PTPRG: variants seen among roughly 807,000 people sequenced by gnomAD.
PTPRG encodes the protein protein tyrosine phosphatase receptor type G.
Under a neutral mutation model 165.3 loss-of-function variants are expected in PTPRG, and 102 were observed. That is an observed-to-expected ratio of 0.62 (90% confidence interval 0.53 to 0.73). PTPRG has a LOEUF of 0.73. Among genes scored for constraint, PTPRG ranks in the 30% least tolerant of loss-of-function variants. The pLI is 0.00. For missense variants in PTPRG, 1,866 were observed against 1,861.4 expected, an observed-to-expected ratio of 1.00 and a Z score of -0.05; for synonymous variants, 675 against 669.5, an observed-to-expected ratio of 1.01 and a Z score of -0.13.
intron 2 of PTPRG, among the ~76,000 whole-genome samples, chr3:61,986,245 A>G (rs1216160949): frequency 2.0e-5 from 3 of 151,328 alleles, no homozygotes; most frequent in African/African-American, 7.4e-5. Context: ...TTAAGGGCTT[A>G]CTGTATGTGA....
intron 6 of PTPRG, among the ~76,000 whole-genome samples, chr3:62,149,291 C>T (rs1445888807): frequency 5.1e-5 from 7 of 137,400 alleles, no homozygotes; most frequent in African/African-American, 1.9e-4. Flanking sequence ...TTTTTTCCCT[C>T]AAGGCAAGAG....
intron 1 of PTPRG, among the ~76,000 whole-genome samples, chr3:61,600,178 A>ATGTGTG: frequency 1.3e-5 from 1 of 78,896 alleles, no homozygotes; most frequent in African/African-American, 4.2e-5. Context: ...AAAAAAATAT[A>ATGTGTG]TATATATATA....
chr3:61,933,224 A>G (rs1240414177), intron 2 of PTPRG, among the ~76,000 whole-genome samples: 1 of 152,228 alleles, frequency 6.6e-6, no homozygotes, highest in East Asian at 1.9e-4. Flanking sequence ...AAAAGTAGTA[A>G]CAAAATCCTA....
intron 8 of PTPRG, among the ~76,000 whole-genome samples, chr3:62,182,846 G>A (rs1023824720): frequency 3.3e-5 from 5 of 152,188 alleles, no homozygotes; most frequent in South Asian, 2.1e-4. Context: ...TAGTAGAGAC[G>A]GGGTTTCACC....
chr3:61,761,465 C>T (rs1435729081), intron 2 of PTPRG, among the ~76,000 whole-genome samples: 2 of 152,152 alleles, frequency 1.3e-5, no homozygotes, highest in African/African-American at 4.8e-5. Context: ...TGTAACCCAG[C>T]TACTTGGGAG....
At chr3:61,766,029 T>C (rs2034004375) in intron 2 of PTPRG, among the ~76,000 whole-genome samples, 1 of 152,190 alleles carries the variant, frequency 6.6e-6, no homozygotes, top group Non-Finnish European at 1.5e-5. Context: ...GCCACTGACG[T>C]TGTAGGTTAA....
chr3:62,069,684 T>TCTCACACACACA (rs542306888), intron 4 of PTPRG, among the ~76,000 whole-genome samples: 103 of 145,034 alleles, frequency 7.1e-4, no homozygotes, highest in African/African-American at 2.4e-3. Context: ...TCTCTCTCTC[T>TCTCACACACACA]CACACACAGA....
At chr3:61,723,755 T>C (rs1465096022) in intron 1 of PTPRG, among the ~76,000 whole-genome samples, 1 of 152,182 alleles carries the variant, frequency 6.6e-6, no homozygotes, top group East Asian at 1.9e-4. Flanking sequence ...TATATGTTTG[T>C]AGGTCGTGGA....
intron 2 of PTPRG, among the ~76,000 whole-genome samples, chr3:61,939,119 T>C (rs372209540): frequency 1.3e-5 from 2 of 152,328 alleles, no homozygotes; most frequent in East Asian, 1.9e-4. Context: ...TTGACAGTTG[T>C]TTGGATCCCG....
intron 2 of PTPRG, among the ~76,000 whole-genome samples, chr3:61,869,685 C>T (rs1036943525): frequency 6.6e-6 from 1 of 151,938 alleles, no homozygotes; most frequent in Non-Finnish European, 1.5e-5. Flanking sequence ...CTTAACTGAT[C>T]TTCCCCCCTC....
Position 62,261,771 on chromosome 3 carries a change from G to T in PTPRG, c.2560-1027G>T, listed in dbSNP as rs112168063. 318 of 34,638 alleles carry T rather than the reference G, an allele frequency of 9.2e-3. 1 individual carries two copies. Among genetic ancestry groups the T allele is most frequent in the African/African-American group, 0.034 (303 of 9,028 alleles). 2.1% of individuals were successfully genotyped at this position (34,638 alleles called of 1,614,324 possible). A position where few individuals can be genotyped will look rare whatever the true frequency, so the allele number is the denominator to read the frequency against. On this transcript the variant is annotated intron_variant, in intron 16 of 29. Coordinates refer to ENST00000474889, the MANE Select transcript of PTPRG (RefSeq NM_002841.4). ...GTAACTTCCTCCTTCTAGAGAAGAA[G>T]TGTACTTCTCCCTGGGGAAGTACTT...
intron 1 of PTPRG, among the ~76,000 whole-genome samples, chr3:61,591,134 C>T (rs1700557986): frequency 6.6e-6 from 1 of 152,218 alleles, no homozygotes; most frequent in African/African-American, 2.4e-5. Flanking sequence ...TGCTGATGGC[C>T]ATTAAGGCCA....
At chr3:62,216,484 C>T (rs1022985499) in intron 12 of PTPRG, among the ~76,000 whole-genome samples, 3 of 152,010 alleles carry the variant, frequency 2.0e-5, no homozygotes, top group African/African-American at 7.2e-5. Context: ...TGGCCTATAG[C>T]GTCAACCCTC....
intron 2 of PTPRG, among the ~76,000 whole-genome samples, chr3:61,948,641 C>G (rs958289395): frequency 6.6e-6 from 1 of 152,008 alleles, no homozygotes; most frequent in African/African-American, 2.4e-5. Context: ...ACAGGAGATT[C>G]TATTAGAGAA....
chr3:61,781,362 A>G (rs1040815926), intron 2 of PTPRG, among the ~76,000 whole-genome samples: 2 of 152,238 alleles, frequency 1.3e-5, no homozygotes, highest in Admixed American at 6.5e-5. Context: ...TTTTCTAGAT[A>G]TAAAAGAGAA....
At chr3:61,810,487 C>T (rs72880451) in intron 2 of PTPRG, among the ~76,000 whole-genome samples, 5,456 of 152,232 alleles carry the variant, frequency 0.036, 351 homozygotes, top group African/African-American at 0.13. Flanking sequence ...GTATAAGCAA[C>T]GACAGTGCGA....
intron 1 of PTPRG, among the ~76,000 whole-genome samples, chr3:61,576,645 C>G (rs1700178501): frequency 6.6e-6 from 1 of 152,150 alleles, no homozygotes; most frequent in Non-Finnish European, 1.5e-5. Flanking sequence ...TATAATAAGG[C>G]AGATTAACCA....
intron 1 of PTPRG, among the ~76,000 whole-genome samples, chr3:61,662,986 A>G (rs1356628795): frequency 1.3e-5 from 2 of 152,130 alleles, no homozygotes; most frequent in African/African-American, 2.4e-5. Context: ...AGTTTTCACA[A>G]CCATTGAAAA....
rs371487672 is a variant in PTPRG, at chr3:62,120,351, C to T, written c.616-12251C>T. 9.7e-4 allele frequency among the ~76,000 whole-genome samples: 68 copies of T among 70,312 alleles called. 1 individual carries two copies. In the South Asian group the frequency reaches 0.026, roughly 27 times the overall value. 46.1% of individuals were successfully genotyped at this position (70,312 alleles called of 152,430 possible). A position where few individuals can be genotyped will look rare whatever the true frequency, so the allele number is the denominator to read the frequency against. On this transcript the variant is annotated intron_variant, in intron 5 of 29. Transcript: ENST00000474889. ...AGGTAGAATCTTCCAGAATTTTGGG[C>T]GTCAAGAAAGGAAGTGAATGGGTTA...
Sources: allele counts gnomAD v4.1 joint callset (sites outside exome capture counted in the v4.1 genomes callset), GRCh38; gene constraint gnomAD v4.1.1; transcripts MANE v1.5; gene names NCBI Gene and HGNC (gene_info 2026-07-23, HGNC 2026-07-21).